LTA: variants seen among roughly 807,000 people sequenced by gnomAD.
The protein encoded by LTA is lymphotoxin-alpha.
In LTA, 6 loss-of-function variants were observed where a neutral mutation model predicts 15.1. The ratio of observed to expected loss-of-function variants is 0.40; its 90% CI spans 0.22 to 0.78. LTA has a LOEUF of 0.78. LTA is among the 30% of genes least tolerant of loss of function. The pLI is 0.38. For synonymous variants in LTA, 87 were observed against 107.3 expected (o/e 0.81, Z 1.17); for missense variants, 173 against 249.5 (o/e 0.69, Z 2.06).
the LTA span, among the ~76,000 whole-genome samples, chr6:31,564,372 C>T: frequency 2.1e-4 from 32 of 152,218 alleles, 1 homozygote; most frequent in South Asian, 2.7e-3. Context: ...ATCCGCCTCC[C>T]GGGTTAATGC....
chr6:31,562,311 G>C, the LTA span, among the ~76,000 whole-genome samples: 1 of 152,058 alleles, frequency 6.6e-6, no homozygotes. Context: ...GGAAAAGGAG[G>C]TGGTGGGCAT....
chr6:31,565,369 A>T, the LTA span, among the ~76,000 whole-genome samples: 1 of 152,316 alleles, frequency 6.6e-6, no homozygotes, highest in South Asian at 2.1e-4. Flanking sequence ...AATTCAGAAG[A>T]CTAAGTCTGG....
chr6:31,568,379 A>G (rs1177885835), upstream of LTA, among the ~76,000 whole-genome samples: 2 of 152,142 alleles, frequency 1.3e-5, no homozygotes, highest in Non-Finnish European at 2.9e-5. This position sits in a 1 kb window ranked among gnomAD's most constrained non-coding sequence, Gnocchi z 4.1. Flanking sequence ...AGCCCTAGAA[A>G]CAGGGTTGGG....
chr6:31,565,061 G>A, the LTA span, among the ~76,000 whole-genome samples: 2 of 152,154 alleles, frequency 1.3e-5, no homozygotes, highest in Non-Finnish European at 2.9e-5. Flanking sequence ...CAAAAGGCAC[G>A]TGCTTTGGGA....
At chr6:31,573,196 T>A in intron 3 of LTA, 85 bp from the exon 4 acceptor site, 1 of 1,397,770 alleles carries the variant, frequency 7.2e-7, no homozygotes, top group Non-Finnish European at 9.9e-7. Context: ...AGGAACTCAG[T>A]TGTTCAGTGC....
upstream of LTA, among the ~76,000 whole-genome samples, chr6:31,569,061 GGGCAGTGGCACGA>G (rs1162167638): frequency 6.6e-6 from 1 of 152,130 alleles, no homozygotes; most frequent in East Asian, 1.9e-4. Flanking sequence ...CCAGGCTGGA[GGGCAGTGGCACGA>G]TCTCGGCTCA....
the LTA span, among the ~76,000 whole-genome samples, chr6:31,566,459 A>G: frequency 1.1e-4 from 16 of 152,036 alleles, no homozygotes; most frequent in African/African-American, 3.4e-4. Flanking sequence ...CCTGGCCAAC[A>G]TGGTGTACTT....
At chr6:31,566,348 A>G in the LTA span, among the ~76,000 whole-genome samples, 1 of 149,710 alleles carries the variant, frequency 6.7e-6, no homozygotes, top group Admixed American at 6.7e-5. Context: ...CATCTCTTAG[A>G]AAAAAAAAAC....
the LTA span, among the ~76,000 whole-genome samples, chr6:31,562,418 G>T: frequency 6.6e-6 from 1 of 152,142 alleles, no homozygotes; most frequent in Non-Finnish European, 1.5e-5. Context: ...TCCTGAAAAA[G>T]TGGTTCGTTA....
chr6:31,564,648 G>T, the LTA span, among the ~76,000 whole-genome samples: 1 of 150,782 alleles, frequency 6.6e-6, no homozygotes, highest in South Asian at 2.1e-4. Context: ...GGTCATGCCT[G>T]TAATCCCAGC....
At chr6:31,565,813 C>G in the LTA span, among the ~76,000 whole-genome samples, 1 of 152,142 alleles carries the variant, frequency 6.6e-6, no homozygotes, top group Non-Finnish European at 1.5e-5. Context: ...CCACTATTTT[C>G]TCTTCACCAT....
chr6:31,568,115 C>T (rs998192934), upstream of LTA, among the ~76,000 whole-genome samples: 1 of 152,086 alleles, frequency 6.6e-6, no homozygotes, highest in Non-Finnish European at 1.5e-5. The surrounding 1 kb of genome is among the most constrained non-coding windows in gnomAD (Gnocchi z 4.1). Flanking sequence ...CTTTCTTTTC[C>T]GTCTGGCCTC....
Position 31,572,797 on chromosome 6 carries a change from C to T in LTA, c.55C>T (p.Leu19Phe), listed in dbSNP as rs763790322. The T allele has an allele frequency of 6.2e-7, 1 of 1,611,612 alleles. No homozygotes were observed. The highest frequency in any genetic ancestry group is 8.5e-7 in the Non-Finnish European group (1 of 1,179,902). Residue 19 changes from leucine to phenylalanine, a missense_variant, in exon 2 of 4, where the codon CTC becomes TTC. Coordinates refer to ENST00000418386, the MANE Select transcript of LTA (RefSeq NM_000595.4). ...LPRVCGTTLH[L>F]LLLGLLLVLL... is the part of the protein sequence containing the mutation. ...AAGGGTGTGTGGCACCACCCTACAC[C>T]TCCTCCTTCTGGGGCTGCTGCTGGT...
chr6:31,572,291 T>C lies in LTA; in HGVS notation c.-165T>C. The stretch of plus-strand genomic sequence containing the variant: ...GACCTGAGCGTCCGGGCCCAGGGGC[T>C]CCGCACAGCAGGTGAGGCTCTCCTG... On this transcript the variant is annotated 5_prime_UTR_variant, in exon 1 of 4. Coordinates refer to ENST00000418386, the MANE Select transcript of LTA (RefSeq NM_000595.4). The C allele has an allele frequency of 4.2e-6, 1 of 236,710 alleles. No homozygotes were observed. The highest frequency in any genetic ancestry group is 8.2e-6 in the Non-Finnish European group (1 of 121,872). The allele number at this position is 236,710 out of a possible 1,614,324, so 14.7% of individuals were successfully genotyped here. A position where few individuals can be genotyped will look rare whatever the true frequency, so the allele number is the denominator to read the frequency against.
upstream of LTA, among the ~76,000 whole-genome samples, chr6:31,567,645 AACACACACACAC>A (rs9279356): frequency 1.6e-5 from 2 of 122,074 alleles, no homozygotes; most frequent in African/African-American, 3.1e-5. Flanking sequence ...TCTCCCCTGC[AACACACACACAC>A]ACACACACAC....
At chr6:31,571,008 G>A (rs1298290854), upstream of LTA, among the ~76,000 whole-genome samples, 1 of 151,330 alleles carries the variant, frequency 6.6e-6, no homozygotes, top group East Asian at 1.9e-4. Flanking sequence ...CTTAAGAGGT[G>A]TCCACCTCAT....
chr6:31,569,710 T>C (rs918554463), upstream of LTA, among the ~76,000 whole-genome samples: 15 of 150,958 alleles, frequency 9.9e-5, no homozygotes, highest in African/African-American at 3.4e-4. Flanking sequence ...GGCAGGAGAA[T>C]AGCTTGAACC....
intron 3 of LTA, 113 bp downstream of exon 3, chr6:31,573,146 C>T: frequency 3.8e-6 from 4 of 1,060,134 alleles, no homozygotes; most frequent in East Asian, 5.3e-5. Flanking sequence ...CTAAAAAAAA[C>T]AGAGGGAGCC....
At chr6:31,562,498 T>C in the LTA span, among the ~76,000 whole-genome samples, 1,937 of 152,210 alleles carry the variant, frequency 0.013, 25 homozygotes, top group Admixed American at 0.022. Flanking sequence ...GAGGGAGAAA[T>C]ATTCCAAGGA....
Sources: gnomAD v4.1 joint callset for allele counts (sites outside exome capture counted in the v4.1 genomes callset) on GRCh38, gnomAD v4.1.1 for gene constraint, Gnocchi (gnomAD v3.1) non-coding constraint, MANE v1.5 for transcripts, NCBI Gene and HGNC (gene_info 2026-07-23, HGNC 2026-07-21) for gene names.